CPEB3: variants seen among roughly 807,000 people sequenced by gnomAD.
The protein encoded by CPEB3 is cytoplasmic polyadenylation element binding protein 3.
A neutral mutation model predicts 67.2 loss-of-function variants in CPEB3; 20 were observed. That is an observed-to-expected ratio of 0.30 (90% CI 0.21 to 0.43). The LOEUF (loss-of-function observed/expected upper bound fraction) is 0.43, where lower values mean the gene tolerates loss of function less well. CPEB3 is among the 20% of genes least tolerant of loss of function. CPEB3 has a pLI of 1.00. For synonymous variants in CPEB3, 376 were observed against 393.1 expected (o/e 0.96, Z 0.51); for missense variants, 746 against 968.6 (o/e 0.77, Z 3.05).
intron 1 of CPEB3, among the ~76,000 whole-genome samples, chr10:92,256,203 A>C (rs767737895): frequency 2.6e-5 from 4 of 151,904 alleles, no homozygotes; most frequent in Non-Finnish European, 5.9e-5. Context: ...CTCCATTCAC[A>C]ACCAGTATAA....
chr10:92,200,545 CAAA>C (rs57165866), intron 2 of CPEB3, among the ~76,000 whole-genome samples: 2 of 54,556 alleles, frequency 3.7e-5, no homozygotes, highest in Non-Finnish European at 6.4e-5. Context: ...AACTCCGTCT[CAAA>C]AAAAAAAAAA....
At chr10:92,139,315 T>A (rs546984046) in intron 6 of CPEB3, among the ~76,000 whole-genome samples, 30 of 147,586 alleles carry the variant, frequency 2.0e-4, no homozygotes, top group South Asian at 6.4e-4. Flanking sequence ...AAAGAATATG[T>A]GGTACATATA....
chr10:92,115,774 G>GCT (rs1235572187), intron 6 of CPEB3, among the ~76,000 whole-genome samples: 4 of 152,070 alleles, frequency 2.6e-5, no homozygotes, highest in African/African-American at 9.7e-5. Context: ...GTTATTTGAT[G>GCT]CTCACCCTCT....
intron 6 of CPEB3, among the ~76,000 whole-genome samples, chr10:92,123,173 C>G (rs533384774): frequency 1.3e-5 from 2 of 152,250 alleles, no homozygotes; most frequent in South Asian, 2.1e-4. Context: ...GGGCAGTGAC[C>G]TGGGGCATTT....
chr10:92,240,872 CA>C (rs142128965), intron 1 of CPEB3, among the ~76,000 whole-genome samples: 3 of 151,918 alleles, frequency 2.0e-5, no homozygotes, highest in South Asian at 2.1e-4. Flanking sequence ...AAAAACAAAA[CA>C]AAAAAACCAG....
chr10:92,146,756 G>T (rs894568397), intron 4 of CPEB3, among the ~76,000 whole-genome samples: 1 of 152,162 alleles, frequency 6.6e-6, no homozygotes, highest in Admixed American at 6.5e-5. Flanking sequence ...GTCATCTCAT[G>T]CCACCCATCT....
intron 7 of CPEB3, among the ~76,000 whole-genome samples, chr10:92,108,030 G>T (rs1379933485): frequency 6.6e-6 from 1 of 152,150 alleles, no homozygotes; most frequent in Non-Finnish European, 1.5e-5. Context: ...TTCTGCATTA[G>T]AAAAACAATC....
intron 6 of CPEB3, among the ~76,000 whole-genome samples, chr10:92,130,655 CT>C (rs35187694): frequency 0.35 from 47,847 of 134,986 alleles, 7,410 homozygotes; most frequent in Middle Eastern, 0.39. Context: ...CCCTATGTGG[CT>C]TTTTTTTTTT....
At chr10:92,278,208 G>C (rs1325358225) in intron 1 of CPEB3, among the ~76,000 whole-genome samples, 2 of 151,670 alleles carry the variant, frequency 1.3e-5, no homozygotes, top group African/African-American at 4.8e-5. Context: ...AAATTATTTT[G>C]GCTATTCTGG....
At chr10:92,124,232 C>T (rs1415141971) in intron 6 of CPEB3, among the ~76,000 whole-genome samples, 2 of 152,222 alleles carry the variant, frequency 1.3e-5, no homozygotes, top group African/African-American at 2.4e-5. Context: ...CTGTTATTTA[C>T]GTGGCTGCTC....
intron 1 of CPEB3, among the ~76,000 whole-genome samples, chr10:92,240,866 AC>A (rs767197800): frequency 6.6e-6 from 1 of 151,716 alleles, no homozygotes; most frequent in Non-Finnish European, 1.5e-5. Context: ...TTTTAAAAAA[AC>A]AAAACAAAAA....
chr10:92,087,372 T>C (rs775796834), intron 8 of CPEB3, among the ~76,000 whole-genome samples: 16 of 152,146 alleles, frequency 1.1e-4, no homozygotes, highest in Admixed American at 2.0e-4. Context: ...CAGCAATTGT[T>C]AGGAAAGATA....
At chr10:92,255,107 T>C (rs1361965800) in intron 1 of CPEB3, among the ~76,000 whole-genome samples, 1 of 152,116 alleles carries the variant, frequency 6.6e-6, no homozygotes, top group Non-Finnish European at 1.5e-5. Context: ...CAAACTTACC[T>C]GTATTCCCTT....
Position 92,164,587 on chromosome 10 carries a change from T to C in CPEB3, c.1222+16376A>G, listed in dbSNP as rs1019320416. On this transcript the variant is annotated intron_variant, in intron 4 of 9. Transcript: ENST00000265997. Reference sequence around the variant, plus strand: ...TTGACTTCCTTCACTTAGCATGTTTTTGAGATTAATTCATGTTGTTACATG... The same window carrying C: ...TTGACTTCCTTCACTTAGCATGTTTCTGAGATTAATTCATGTTGTTACATG... Among the ~76,000 whole-genome samples, 3 of 152,230 alleles carry C rather than the reference T, an allele frequency of 2.0e-5. No individual in the cohort carries two copies. The South Asian group carries it at 6.2e-4, about 32-fold the overall frequency.
intron 1 of CPEB3, among the ~76,000 whole-genome samples, chr10:92,260,238 T>G (rs1852729741): frequency 6.6e-6 from 1 of 152,176 alleles, no homozygotes; most frequent in African/African-American, 2.4e-5. Context: ...GACCCAGTCT[T>G]ACTGCAGGGT....
intron 6 of CPEB3, among the ~76,000 whole-genome samples, chr10:92,139,999 G>A (rs1265896690): frequency 2.7e-5 from 4 of 150,224 alleles, no homozygotes; most frequent in Admixed American, 2.6e-4. Context: ...CTTGAACCCG[G>A]GAGGTGGAGG....
chr10:92,072,268 C>G (rs1024249216), intron 9 of CPEB3, among the ~76,000 whole-genome samples: 6 of 152,038 alleles, frequency 3.9e-5, no homozygotes, highest in Non-Finnish European at 1.5e-5. Flanking sequence ...CAGATTGGCA[C>G]CTATGTTAAC....
chr10:92,176,822 G>A (rs1848240555), intron 4 of CPEB3, among the ~76,000 whole-genome samples: 1 of 152,212 alleles, frequency 6.6e-6, no homozygotes, highest in Admixed American at 6.5e-5. Flanking sequence ...ACAAGACCAC[G>A]AATGCTAAAC....
intron 7 of CPEB3, among the ~76,000 whole-genome samples, chr10:92,095,598 ATATTT>A (rs992230795): frequency 3.3e-4 from 28 of 85,272 alleles, no homozygotes; most frequent in African/African-American, 1.6e-3. Flanking sequence ...ATATATATAT[ATATTT>A]TTTTTTTTTC....
Sources: gnomAD v4.1 joint callset for allele counts (sites outside exome capture counted in the v4.1 genomes callset) on GRCh38, gnomAD v4.1.1 for gene constraint, MANE v1.5 for transcripts, NCBI Gene and HGNC (gene_info 2026-07-23, HGNC 2026-07-21) for gene names.